Variants in COMMD1 observed in about 807,000 individuals in gnomAD.
The protein encoded by COMMD1 is copper metabolism domain containing 1.
COMMD1 carries 10 observed loss-of-function variants against 17.2 expected under a neutral mutation model. The observed-to-expected ratio is 0.58, with a 90% CI of 0.36 to 0.99. COMMD1 has a LOEUF of 0.99. Among genes scored for constraint, COMMD1 ranks in the 50% least tolerant of loss-of-function variants. The pLI, the probability that COMMD1 is intolerant of heterozygous loss-of-function variation, is 0.01. For missense variants in COMMD1, 270 were observed against 231.8 expected (o/e 1.17, Z -1.07); for synonymous variants, 97 against 91.6 (o/e 1.06, Z -0.34).
At chr2:61,890,775 C>G (rs1243790178) in intron 1 of COMMD1, among the ~76,000 whole-genome samples, 1 of 144,532 alleles carries the variant, frequency 6.9e-6, no homozygotes, top group East Asian at 2.0e-4. Context: ...TGCAGTGAGC[C>G]GAGATTGCGC....
chr2:62,101,605 GTCTC>G (rs376021160), intron 2 of COMMD1, among the ~76,000 whole-genome samples: 1 of 151,070 alleles, frequency 6.6e-6, no homozygotes, highest in African/African-American at 2.5e-5. Flanking sequence ...ACAAGACCCT[GTCTC>G]TCTCTCTCTC....
chr2:61,978,495 A>G (rs975737995), intron 1 of COMMD1, among the ~76,000 whole-genome samples: 1 of 152,216 alleles, frequency 6.6e-6, no homozygotes, highest in Non-Finnish European at 1.5e-5. Flanking sequence ...TTACTAAAAA[A>G]TGGTATCATT....
intron 1 of COMMD1, chr2:61,915,614 T>C: frequency 2.4e-6 from 1 of 424,430 alleles, no homozygotes; most frequent in Admixed American, 2.5e-5. Flanking sequence ...CTCAGCCTTT[T>C]GAGTAGCTGA....
intron 2 of COMMD1, among the ~76,000 whole-genome samples, chr2:62,093,175 C>T (rs1671888064): frequency 6.6e-6 from 1 of 152,146 alleles, no homozygotes; most frequent in Admixed American, 6.5e-5. Flanking sequence ...AATGAGAAAA[C>T]ATACAAACTA....
At position 62,110,395 on chromosome 2, in the gene COMMD1, C is replaced by A. The variant is rs576142078; in HGVS notation, c.463-25436C>A. On this transcript the variant is annotated intron_variant, in intron 2 of 2. Transcript: ENST00000311832. ...GAAGGGCAGACACTATTATTTAAAGCTGAATCCCCATTGTCTACAACTATG... is the reference window on the plus strand; with the variant it reads ...GAAGGGCAGACACTATTATTTAAAGATGAATCCCCATTGTCTACAACTATG... Among the ~76,000 whole-genome samples the A allele has an allele frequency of 2.6e-5, 4 of 152,310 alleles. No homozygotes were observed. The East Asian group carries it at 5.8e-4, about 22-fold the overall frequency.
chr2:62,106,144 T>A (rs890812387), intron 2 of COMMD1, among the ~76,000 whole-genome samples: 7 of 152,376 alleles, frequency 4.6e-5, no homozygotes, highest in Non-Finnish European at 1.0e-4. Context: ...ATTACAGGCA[T>A]AAGCCATTGT....
intron 2 of COMMD1, among the ~76,000 whole-genome samples, chr2:62,072,458 C>T (rs1368742112): frequency 6.6e-6 from 1 of 152,192 alleles, no homozygotes; most frequent in African/African-American, 2.4e-5. Context: ...AAGTCCCTCT[C>T]TGCTGAGAGC....
intron 2 of COMMD1, among the ~76,000 whole-genome samples, chr2:62,084,487 G>A (rs1330801622): frequency 6.6e-6 from 1 of 152,138 alleles, no homozygotes; most frequent in Non-Finnish European, 1.5e-5. Flanking sequence ...TTTACACTGA[G>A]GAGGAAGAAG....
intron 1 of COMMD1, among the ~76,000 whole-genome samples, chr2:61,968,187 C>T (rs1479835094): frequency 6.6e-6 from 1 of 151,984 alleles, no homozygotes; most frequent in Non-Finnish European, 1.5e-5. Context: ...ACAAAAGCCG[C>T]TTGGTGCCAA....
chr2:62,007,007 C>G lies in COMMD1; in HGVS notation c.462+6025C>G, dbSNP rs138814668. Among the ~76,000 whole-genome samples the G allele has an allele frequency of 1.8e-4, 27 of 152,250 alleles. No homozygotes were observed. In the East Asian group the frequency reaches 5.0e-3, roughly 28 times the overall value. ...GCCAAAAGGACATTTTGTGAGGAAACATTTAGACTTAGTCTCAGTACTGAA... is the reference window on the plus strand; with the variant it reads ...GCCAAAAGGACATTTTGTGAGGAAAGATTTAGACTTAGTCTCAGTACTGAA... On this transcript the variant is annotated intron_variant, in intron 2 of 2. Transcript: ENST00000311832.
intron 2 of COMMD1, among the ~76,000 whole-genome samples, chr2:62,038,722 T>G (rs1370095060): frequency 1.3e-5 from 2 of 152,040 alleles, no homozygotes; most frequent in African/African-American, 4.8e-5. Context: ...CTAATTTTTG[T>G]ATTGTTAGTA....
At chr2:61,919,291 C>T (rs112609859) in intron 1 of COMMD1, among the ~76,000 whole-genome samples, 6 of 152,194 alleles carry the variant, frequency 3.9e-5, no homozygotes, top group East Asian at 3.9e-4. Flanking sequence ...GGATTACAGG[C>T]GGGAGCCACC....
In COMMD1 at chr2:62,126,193, C is replaced by T. The variant is rs568923235; in HGVS notation, c.463-9638C>T. The stretch of plus-strand genomic sequence containing the variant: ...TCATTGATGGGCATTTGGGTTGATT[C>T]CATGTCTTTGCTGTTGTGAATAGTG... On this transcript the variant is annotated intron_variant, in intron 2 of 2. Transcript: ENST00000311832. Among the ~76,000 whole-genome samples, 13 of 152,264 alleles carry T rather than the reference C, an allele frequency of 8.5e-5. 1 individual carries two copies. The highest frequency in any genetic ancestry group is 3.4e-3 in the Middle Eastern group (1 of 294).
chr2:61,917,286 G>T (rs745574721), intron 1 of COMMD1, among the ~76,000 whole-genome samples: 2 of 151,816 alleles, frequency 1.3e-5, no homozygotes, highest in African/African-American at 4.8e-5. Context: ...GAACCCGGGA[G>T]GCGGAGGTTG....
intron 2 of COMMD1, among the ~76,000 whole-genome samples, chr2:62,052,914 C>G (rs564986318): frequency 6.6e-6 from 1 of 152,188 alleles, no homozygotes; most frequent in South Asian, 2.1e-4. Flanking sequence ...ACCAAAAGTA[C>G]AAAAGTTAAC....
chr2:61,990,109 G>A (rs1046930193), intron 1 of COMMD1, among the ~76,000 whole-genome samples: 1 of 152,182 alleles, frequency 6.6e-6, no homozygotes, highest in African/African-American at 2.4e-5. Context: ...GAATAGCCTA[G>A]GCAAAAGCCA....
chr2:61,989,444 C>A (rs968390585), intron 1 of COMMD1, among the ~76,000 whole-genome samples: 3 of 151,686 alleles, frequency 2.0e-5, no homozygotes, highest in Non-Finnish European at 4.4e-5. Context: ...CCCTCGCCCC[C>A]AAACCCTGGC....
chr2:61,888,537 G>A (rs370130012), upstream of COMMD1: 17 of 1,602,288 alleles, frequency 1.1e-5, 1 homozygote, highest in South Asian at 1.5e-4. Context: ...GGGTTGGCTC[G>A]GGAAGGACGG....
At chr2:61,996,561 C>G (rs1331757145) in intron 1 of COMMD1, among the ~76,000 whole-genome samples, 1 of 152,108 alleles carries the variant, frequency 6.6e-6, no homozygotes. Flanking sequence ...GAACCTCTTT[C>G]CAAATTGGAG....
Sources: allele counts gnomAD v4.1 joint callset (sites outside exome capture counted in the v4.1 genomes callset), GRCh38; gene constraint gnomAD v4.1.1; transcripts MANE v1.5; gene names NCBI Gene and HGNC (gene_info 2026-07-23, HGNC 2026-07-21).